The following NADSYN1 variants were observed in gnomAD, a reference collection of about 807,000 sequenced individuals.
NADSYN1 encodes the protein NAD synthetase 1.
NADSYN1 carries 80 observed loss-of-function variants against 99.3 expected under a neutral mutation model. The ratio of observed to expected loss-of-function variants is 0.81; its 90% CI spans 0.67 to 0.97. The LOEUF is 0.97. Ranked by LOEUF, NADSYN1 falls within the 50% of genes least tolerant of loss-of-function variation. NADSYN1 has a pLI of 0.00. For synonymous variants in NADSYN1, 385 were observed against 372.1 expected (o/e 1.03, Z -0.40); for missense variants, 859 against 948.5 (o/e 0.91, Z 1.24).
At chr11:71,458,013 C>G (rs540944269) in intron 2 of NADSYN1, among the ~76,000 whole-genome samples, 1 of 152,272 alleles carries the variant, frequency 6.6e-6, no homozygotes, top group South Asian at 2.1e-4. Flanking sequence ...ACAGGGGCAG[C>G]TTTGTGGGTG....
chr11:71,453,235 C>T lies in NADSYN1; in HGVS notation c.-62C>T, dbSNP rs59175285. ...AAGGTCCGGCGTCCCAGCCGCCTAC[C>T]TCGCTGGGACCCTGGTCTTGCTGTC... On this transcript the variant is annotated 5_prime_UTR_variant, in exon 1 of 21. Coordinates refer to ENST00000319023, the MANE Select transcript of NADSYN1 (RefSeq NM_018161.5). 981 of 1,482,138 alleles carry T rather than the reference C, an allele frequency of 6.6e-4. 7 individuals carry two copies. In the African/African-American group the frequency reaches 0.012, roughly 18 times the overall value. 91.8% of individuals were successfully genotyped at this position (1,482,138 alleles called of 1,614,324 possible).
chr11:71,501,303 T>G lies in NADSYN1; in HGVS notation c.2072T>G (p.Val691Gly), dbSNP rs749002578. ...GGTGTCACAGGCCTCTCTTTCCAGG[T>G]GCTACAGCTCGAGAGGGCAGAGCCA... The part of the protein sequence containing the change: ...PWQFRCIENQ[V>G]LQLERAEPQS... Residue 691 changes from valine (V) to glycine (G), a missense_variant and splice_region_variant, in exon 21 of 21, where the codon GTG becomes GGG. Physicochemically the swap from Val to Gly is moderately radical, Grantham distance 109. Transcript: ENST00000319023. 2.2e-5 allele frequency: 35 copies of G among 1,589,470 alleles called. No homozygotes were observed. The highest frequency in any genetic ancestry group is 2.7e-5 in the Non-Finnish European group (32 of 1,168,034).
chr11:71,461,079 C>G (rs1949547348), intron 3 of NADSYN1: 1 of 152,094 alleles, frequency 6.6e-6, no homozygotes, highest in African/African-American at 2.4e-5. Context: ...TAATTTGAGT[C>G]CTTTATATGC....
At chr11:71,498,697 T>C in intron 20 of NADSYN1, 169 bp downstream of exon 20, 1 of 687,650 alleles carries the variant, frequency 1.5e-6, no homozygotes, top group South Asian at 2.1e-5. Context: ...AATTTACTTT[T>C]TTCGTGTTGA....
At chr11:71,459,074 C>T (rs557224430) in intron 3 of NADSYN1, 13 of 154,606 alleles carry the variant, frequency 8.4e-5, no homozygotes, top group African/African-American at 1.4e-4. Context: ...GGCCTCTGCA[C>T]GCTCTGTGCT....
intron 16 of NADSYN1, among the ~76,000 whole-genome samples, chr11:71,488,012 C>T (rs1283322397): frequency 1.3e-5 from 2 of 152,140 alleles, no homozygotes; most frequent in Non-Finnish European, 1.5e-5. Context: ...GCCTTCTTCT[C>T]ACGGGTCACA....
chr11:71,499,075 A>C (rs1949840523), intron 20 of NADSYN1: 1 of 153,550 alleles, frequency 6.5e-6, no homozygotes, highest in African/African-American at 2.4e-5. Flanking sequence ...ATTTCCCTTT[A>C]AGATGTTCAT....
Position 71,482,956 on chromosome 11 carries a change from A to G in NADSYN1, c.1258A>G (p.Ser420Gly). 1 of 1,613,076 alleles carries G rather than the reference A, an allele frequency of 6.2e-7. No homozygotes were observed. Among genetic ancestry groups the G allele is most frequent in the Non-Finnish European group, 8.5e-7 (1 of 1,179,628 alleles). The change falls in exon 14 of 21, where the codon AGC (serine) becomes GGC (glycine). Residue 420 changes from serine (S) to glycine (G), a missense_variant. Coordinates refer to ENST00000319023, the MANE Select transcript of NADSYN1 (RefSeq NM_018161.5). ...GRILTTCYMA[S>G]KNSSQETCTR... ...CATACTGACCACCTGCTACATGGCCAGCAAGAACTCCTCCCAGGAGACGTG... is the reference window on the plus strand; with the variant it reads ...CATACTGACCACCTGCTACATGGCCGGCAAGAACTCCTCCCAGGAGACGTG...
At position 71,482,083 on chromosome 11, in the gene NADSYN1, A is replaced by T; in HGVS notation, c.1150+58A>T. Reference sequence around the variant, plus strand: ...CAGGGTCCAGCCCTTGGGCTGCCTGAGTTAGGGACCTAGGAGGGGGCAGAG... The same window carrying T: ...CAGGGTCCAGCCCTTGGGCTGCCTGTGTTAGGGACCTAGGAGGGGGCAGAG... On this transcript the variant is annotated intron_variant, in intron 13 of 20. Transcript: ENST00000319023. The T allele has an allele frequency of 2.0e-6, 3 of 1,503,530 alleles. 1 individual carries two copies. The South Asian group carries it at 3.6e-5, about 18-fold the overall frequency. The allele number at this position is 1,503,530 out of a possible 1,614,324, so 93.1% of individuals were successfully genotyped here.
At chr11:71,485,948 C>A (rs887307520) in intron 16 of NADSYN1, among the ~76,000 whole-genome samples, 11 of 152,216 alleles carry the variant, frequency 7.2e-5, no homozygotes, top group African/African-American at 2.7e-4. Context: ...TTCTTCTAGG[C>A]TGTTCCACTG....
chr11:71,484,183 C>A, intron 14 of NADSYN1, 129 bp from the exon 15 acceptor site: 1 of 1,374,916 alleles, frequency 7.3e-7, no homozygotes, highest in South Asian at 1.4e-5. Context: ...GATTGCTAAA[C>A]ACCACAAATC....
At chr11:71,462,660 G>A (rs1281561393) in intron 3 of NADSYN1, among the ~76,000 whole-genome samples, 2 of 152,196 alleles carry the variant, frequency 1.3e-5, no homozygotes, top group African/African-American at 4.8e-5. Context: ...GGTTCACACC[G>A]GTTACTTAGC....
rs3794061 is a variant in NADSYN1 at position 71,476,862 on chromosome 11, G to A, written c.799-1533G>A. On this transcript the variant is annotated intron_variant, in intron 9 of 20. Coordinates refer to ENST00000319023, the MANE Select transcript of NADSYN1 (RefSeq NM_018161.5). ...GAGTCCTCGGGGGTCTGTATATTTA[G>A]TGAGCACCAGGCAGTTGTTTCGTGC... The A allele has an allele frequency of 7.3e-3, 7,188 of 986,698 alleles. 331 individuals carry two copies. In the African/African-American group the frequency reaches 0.1, roughly 14 times the overall value. 61.1% of individuals were successfully genotyped at this position (986,698 alleles called of 1,614,324 possible).
intron 16 of NADSYN1, among the ~76,000 whole-genome samples, chr11:71,489,099 A>G (rs1949762623): frequency 6.6e-6 from 1 of 152,020 alleles, no homozygotes; most frequent in Admixed American, 6.5e-5. Flanking sequence ...CTGCAGGGTT[A>G]AGTTGGGGTC....
intron 11 of NADSYN1, 190 bp from the exon 12 acceptor site, chr11:71,481,166 C>T: frequency 1.5e-6 from 1 of 686,434 alleles, no homozygotes; most frequent in Non-Finnish European, 2.5e-6. Context: ...GATGATAATA[C>T]CCACGTCCTG....
intron 18 of NADSYN1, among the ~76,000 whole-genome samples, chr11:71,492,589 C>T (rs574662586): frequency 6.6e-6 from 1 of 152,154 alleles, no homozygotes; most frequent in African/African-American, 2.4e-5. Flanking sequence ...TATTTCTGGA[C>T]ACTCAATTCT....
intron 18 of NADSYN1, among the ~76,000 whole-genome samples, chr11:71,494,578 C>T (rs1949807439): frequency 6.6e-6 from 1 of 152,010 alleles, no homozygotes; most frequent in African/African-American, 2.4e-5. Flanking sequence ...TGGAGTTTTG[C>T]TCTTGTTGCC....
At chr11:71,497,698 G>A (rs2120526501) in intron 19 of NADSYN1, 87 bp downstream of exon 19, 2 of 1,529,234 alleles carry the variant, frequency 1.3e-6, no homozygotes, top group Admixed American at 1.7e-5. Flanking sequence ...GGAACAAGTA[G>A]ATAACAGTGT....
Position 71,498,980 on chromosome 11 carries a change from G to A in NADSYN1, c.2070+452G>A, listed in dbSNP as rs145712767. The A allele has an allele frequency of 7.8e-3, 1,218 of 155,368 alleles. 22 individuals are homozygous for A. Among genetic ancestry groups the A allele is most frequent in the African/African-American group, 0.028 (1,146 of 41,550 alleles). The allele number at this position is 155,368 out of a possible 1,614,324, so 9.6% of individuals were successfully genotyped here. ...CCACCAGCCCCTGGTAGCCACCGTC[G>A]CACTCTCTGCTTCCACAAGATCACC... is the stretch of plus-strand genomic sequence containing the variant. On this transcript the variant is annotated intron_variant, in intron 20 of 20. Coordinates refer to ENST00000319023, the MANE Select transcript of NADSYN1 (RefSeq NM_018161.5).
Sources: allele counts gnomAD v4.1 joint callset (sites outside exome capture counted in the v4.1 genomes callset), GRCh38; gene constraint gnomAD v4.1.1; transcripts MANE v1.5; gene names NCBI Gene and HGNC (gene_info 2026-07-23, HGNC 2026-07-21).